Variants in RIMBP2 observed in about 807,000 individuals in gnomAD.
The protein encoded by RIMBP2 is RIMS binding protein 2.
RIMBP2 carries 48 observed loss-of-function variants against 118.6 expected under a neutral mutation model. The ratio of observed to expected loss-of-function variants is 0.40; its 90% CI spans 0.32 to 0.51. The LOEUF (loss-of-function observed/expected upper bound fraction) is 0.51. Among genes scored for constraint, RIMBP2 ranks in the 20% least tolerant of loss-of-function variants. The pLI is 0.41. For missense variants in RIMBP2, 1,551 were observed against 1,768.3 expected (o/e 0.88, Z 2.20); for synonymous variants, 762 against 742.9 (o/e 1.03, Z -0.42).
chr12:130,411,489 G>A (rs1340708017), intron 19 of RIMBP2, among the ~76,000 whole-genome samples: 2 of 152,126 alleles, frequency 1.3e-5, no homozygotes, highest in East Asian at 1.9e-4. Context: ...CTGGCAATGC[G>A]GCAGGGGGCA....
At chr12:130,457,597 C>G (rs1183023129) in intron 6 of RIMBP2, among the ~76,000 whole-genome samples, 1 of 152,236 alleles carries the variant, frequency 6.6e-6, no homozygotes, top group Non-Finnish European at 1.5e-5. Context: ...TACAGAGGAC[C>G]CACTCTACCT....
chr12:130,573,274 G>A (rs1170107795), intron 2 of RIMBP2, among the ~76,000 whole-genome samples: 2 of 151,756 alleles, frequency 1.3e-5, no homozygotes, highest in African/African-American at 2.4e-5. Context: ...TAAAAGACTC[G>A]GAGCATAGAG....
At chr12:130,534,215 C>T (rs2053775618) in intron 2 of RIMBP2, among the ~76,000 whole-genome samples, 2 of 111,874 alleles carry the variant, frequency 1.8e-5, no homozygotes, top group Admixed American at 1.2e-4. Flanking sequence ...ACACTGGAAC[C>T]TTAGAAGGGT....
At chr12:130,491,255 C>T (rs1238850975) in intron 4 of RIMBP2, among the ~76,000 whole-genome samples, 2 of 152,184 alleles carry the variant, frequency 1.3e-5, no homozygotes, top group Non-Finnish European at 2.9e-5. Flanking sequence ...GAGAAGGAAA[C>T]CAAGGCCCAG....
At chr12:130,516,179 A>G (rs1410579149) in intron 3 of RIMBP2, among the ~76,000 whole-genome samples, 2 of 152,256 alleles carry the variant, frequency 1.3e-5, no homozygotes, top group Admixed American at 1.3e-4. Context: ...CCTAAAAAAC[A>G]TACCTTTAAA....
At chr12:130,548,586 G>A (rs1439723360) in intron 2 of RIMBP2, among the ~76,000 whole-genome samples, 1 of 151,646 alleles carries the variant, frequency 6.6e-6, no homozygotes, top group Non-Finnish European at 1.5e-5. Flanking sequence ...TTGCTTGTTT[G>A]TTTTTGAGAC....
chr12:130,496,213 C>G (rs1293778019), intron 4 of RIMBP2, among the ~76,000 whole-genome samples: 1 of 152,160 alleles, frequency 6.6e-6, no homozygotes, highest in East Asian at 1.9e-4. Flanking sequence ...CCACACTGTT[C>G]TGTGGTAGTT....
chr12:130,408,294 T>C (rs1023974248), intron 19 of RIMBP2, among the ~76,000 whole-genome samples: 21 of 152,196 alleles, frequency 1.4e-4, no homozygotes, highest in African/African-American at 5.1e-4. Context: ...CATGCTCCCC[T>C]AAGCATAGGC....
chr12:130,707,338 C>A (rs2695943), intron 1 of RIMBP2, among the ~76,000 whole-genome samples: 85,712 of 152,144 alleles, frequency 0.56, 27,606 homozygotes, highest in Non-Finnish European at 0.74. Flanking sequence ...ACAAGGTCCC[C>A]CCCACGCCCA....
chr12:130,506,277 G>A (rs118100490), intron 4 of RIMBP2, among the ~76,000 whole-genome samples: 1 of 152,188 alleles, frequency 6.6e-6, no homozygotes, highest in Non-Finnish European at 1.5e-5. Flanking sequence ...GTCATTAAAC[G>A]TCTGAGGAGC....
At position 130,586,258 on chromosome 12, in the gene RIMBP2, G is replaced by A. The variant is rs1325925339; in HGVS notation, c.-217+42064C>T. ...TCACGAGGTCAGGAGTTCAAGACCA[G>A]CCTGGCAAACATGGAGAAACCCCAT... is the stretch of plus-strand genomic sequence containing the variant. On this transcript the variant is annotated intron_variant, in intron 2 of 22. Coordinates refer to ENST00000690449, the MANE Select transcript of RIMBP2 (RefSeq NM_001393629.1). 2.6e-5 allele frequency among the ~76,000 whole-genome samples: 4 copies of A among 152,132 alleles called. No individual in the cohort carries two copies. The East Asian group carries it at 7.7e-4, about 29-fold the overall frequency.
At chr12:130,613,219 G>T (rs773429220) in intron 2 of RIMBP2, among the ~76,000 whole-genome samples, 1 of 152,226 alleles carries the variant, frequency 6.6e-6, no homozygotes, top group Non-Finnish European at 1.5e-5. Context: ...CAGTGCTGGC[G>T]GGTTGCCGGG....
intron 4 of RIMBP2, among the ~76,000 whole-genome samples, chr12:130,479,597 G>T (rs547484750): frequency 7.9e-6 from 1 of 127,314 alleles, no homozygotes; most frequent in Non-Finnish European, 1.5e-5. Flanking sequence ...GCACCCTCCC[G>T]GGAGCTTCCC....
At chr12:130,589,886 A>T (rs11061012) in intron 2 of RIMBP2, among the ~76,000 whole-genome samples, 15,423 of 152,136 alleles carry the variant, frequency 0.1, 1,014 homozygotes, top group Non-Finnish European at 0.16. Flanking sequence ...GATTTTTTTA[A>T]ACTCCCAAAG....
chr12:130,449,994 C>T (rs1386960824), intron 9 of RIMBP2, among the ~76,000 whole-genome samples: 1 of 152,084 alleles, frequency 6.6e-6, no homozygotes, highest in Non-Finnish European at 1.5e-5. Context: ...GGTTTGTGAC[C>T]TCCTGTCATG....
rs937931054 is a variant in RIMBP2, at chr12:130,581,408, A to G, written c.-217+46914T>C. Among the ~76,000 whole-genome samples the G allele has an allele frequency of 3.9e-5, 6 of 152,078 alleles. No homozygotes were observed. The highest frequency in any genetic ancestry group is 1.4e-4 in the African/African-American group (6 of 41,410). On this transcript the variant is annotated intron_variant, in intron 2 of 22. Coordinates refer to ENST00000690449, the MANE Select transcript of RIMBP2 (RefSeq NM_001393629.1). The surrounding 1 kb of genome is among the most constrained non-coding windows in gnomAD (Gnocchi z 4.4). Reference sequence around the variant, plus strand: ...ATTTTACATAAACTCCAAAAGTTCCATCTCCATCCCAGCTCCCTCCTCCAA... The same window carrying G: ...ATTTTACATAAACTCCAAAAGTTCCGTCTCCATCCCAGCTCCCTCCTCCAA...
Position 130,424,062 on chromosome 12 carries a change from A to G in RIMBP2, c.3129+80T>C, listed in dbSNP as rs1025683313. 42 of 765,870 alleles carry G rather than the reference A, an allele frequency of 5.5e-5. No individual in the cohort carries two copies. In the Middle Eastern group the frequency reaches 2.6e-3, roughly 47 times the overall value. The allele number at this position is 765,870 out of a possible 1,614,324, so 47.4% of individuals were successfully genotyped here. On this transcript the variant is annotated intron_variant, in intron 16 of 22. Coordinates refer to ENST00000690449, the MANE Select transcript of RIMBP2 (RefSeq NM_001393629.1). This position sits in a 1 kb window ranked among gnomAD's most constrained non-coding sequence, Gnocchi z 9.8. ...AAGAGAGTCCCCAGGGATGGACACC[A>G]GAACAAACAGAAAACCAGTGAAAGG... is the stretch of plus-strand genomic sequence containing the variant.
intron 2 of RIMBP2, among the ~76,000 whole-genome samples, chr12:130,590,254 C>T (rs2059172138): frequency 1.3e-5 from 2 of 152,142 alleles, no homozygotes. Context: ...GGAGGAATGT[C>T]ATCCCCACAC....
chr12:130,668,289 G>T (rs2064040829), intron 1 of RIMBP2: 1 of 152,214 alleles, frequency 6.6e-6, no homozygotes, highest in Non-Finnish European at 1.5e-5. Flanking sequence ...CTGACCCCAG[G>T]AACTACTCAG....
Sources: gnomAD v4.1 joint callset for allele counts (sites outside exome capture counted in the v4.1 genomes callset) on GRCh38, gnomAD v4.1.1 for gene constraint, Gnocchi (gnomAD v3.1) non-coding constraint, MANE v1.5 for transcripts, NCBI Gene and HGNC (gene_info 2026-07-23, HGNC 2026-07-21) for gene names.